Variants in GATA4 observed in about 807,000 individuals in gnomAD.
The protein encoded by GATA4 is GATA binding protein 4.
Under a neutral mutation model 37.9 loss-of-function variants are expected in GATA4, and 7 were observed. The ratio of observed to expected loss-of-function variants is 0.18; its 90% CI spans 0.11 to 0.35. GATA4 has a LOEUF of 0.35. Ranked by LOEUF, GATA4 falls within the 10% of genes least tolerant of loss-of-function variation. The pLI is 1.00. For synonymous variants in GATA4, 372 were observed against 292.6 expected (o/e 1.27, Z -2.77); for missense variants, 647 against 653.0 (o/e 0.99, Z 0.10).
chr8:11,682,846 C>G (rs980058333), intron 1 of GATA4, among the ~76,000 whole-genome samples: 6 of 152,162 alleles, frequency 3.9e-5, no homozygotes, highest in Admixed American at 2.0e-4. Context: ...TAGTCCTTCT[C>G]ACTTCTCAGA....
intron 1 of GATA4, among the ~76,000 whole-genome samples, chr8:11,677,806 G>A (rs533804190): frequency 6.6e-6 from 1 of 152,106 alleles, no homozygotes; most frequent in East Asian, 1.9e-4. Flanking sequence ...TGGGAAGGAG[G>A]CGTGGGGGTG....
At chr8:11,696,919 C>G (rs1799525265) in intron 1 of GATA4, among the ~76,000 whole-genome samples, 1 of 152,202 alleles carries the variant, frequency 6.6e-6, no homozygotes, top group Non-Finnish European at 1.5e-5. Flanking sequence ...GAGTGTGGGC[C>G]CCTGGAACTG....
At chr8:11,681,576 C>A (rs2129930556) in intron 1 of GATA4, 1 of 512,834 alleles carries the variant, frequency 1.9e-6, no homozygotes, top group Non-Finnish European at 2.5e-6. Context: ...TTTCTCCCTC[C>A]TCCACCCCAC....
intron 1 of GATA4, among the ~76,000 whole-genome samples, chr8:11,705,321 C>G (rs1231659426): frequency 6.6e-6 from 1 of 152,202 alleles, no homozygotes. Context: ...TGTGTCTCCT[C>G]CCCTGCTGCG....
chr8:11,720,122 C>T (rs929305066), intron 2 of GATA4, among the ~76,000 whole-genome samples: 4 of 151,678 alleles, frequency 2.6e-5, no homozygotes, highest in African/African-American at 9.7e-5. Flanking sequence ...TCTCTTCCTG[C>T]GGTGTGACTC....
In GATA4 at chr8:11,723,236, A is replaced by C. The variant is rs148945989; in HGVS notation, c.616+14308A>C. 9.5e-4 allele frequency among the ~76,000 whole-genome samples: 144 copies of C among 152,192 alleles called. 1 individual carries two copies. The highest frequency in any genetic ancestry group is 3.3e-3 in the African/African-American group (138 of 41,528). On this transcript the variant is annotated intron_variant, in intron 2 of 6. Coordinates refer to ENST00000532059, the MANE Select transcript of GATA4 (RefSeq NM_001308093.3). Reference sequence around the variant, plus strand: ...GGCAGGGGTGGTGGCATGTGCCTGTAGTCCCAGATACTTGGGAGGCTGAAG... The same window carrying C: ...GGCAGGGGTGGTGGCATGTGCCTGTCGTCCCAGATACTTGGGAGGCTGAAG...
chr8:11,706,389 T>C (rs1799891569), intron 1 of GATA4, among the ~76,000 whole-genome samples: 1 of 152,228 alleles, frequency 6.6e-6, no homozygotes, highest in Non-Finnish European at 1.5e-5. Context: ...TCTGTAGTAA[T>C]AGTCAACTGT....
rs1380586941 is a variant in GATA4 at position 11,759,146 on chromosome 8, C to G, written c.*671C>G. 1 of 159,084 alleles carries G rather than the reference C, an allele frequency of 6.3e-6. No individual in the cohort carries two copies. The highest frequency in any genetic ancestry group is 2.4e-5 in the African/African-American group (1 of 41,488). The allele number at this position is 159,084 out of a possible 1,614,324, so 9.9% of individuals were successfully genotyped here. ...GCCTTTGCTCCTTCACTTCCAACAT[C>G]TCTCAAAATAAAAATCCCTCTTCCC... On this transcript the variant is annotated 3_prime_UTR_variant, in exon 7 of 7. Coordinates refer to ENST00000532059, the MANE Select transcript of GATA4 (RefSeq NM_001308093.3).
Position 11,708,562 on chromosome 8 carries a change from C to A in GATA4, c.250C>A (p.Gln84Lys). The stretch of plus-strand genomic sequence containing the variant: ...GTCTGGTGCGGGGCCCGGGACCCAG[C>A]AGGGCAGCCCGGGATGGAGCCAGGC... ...AASGAGPGTQQGSPGWSQAGA... is the reference protein window; with the variant it reads ...AASGAGPGTQKGSPGWSQAGA... Residue 84 changes from glutamine (Q) to lysine (K), a missense_variant, in exon 2 of 7, where the codon CAG (glutamine) becomes AAG (lysine). By Grantham distance (53) the Gln-to-Lys change is moderately conservative (BLOSUM62 1). Around this residue, in one of 5 missense-constraint regions of GATA4, gnomAD observed 379 missense variants for 334.5 expected, o/e 1.13. Coordinates refer to ENST00000532059, the MANE Select transcript of GATA4 (RefSeq NM_001308093.3). This position sits in a 1 kb window ranked among gnomAD's most constrained non-coding sequence, Gnocchi z 6.7. 2 of 1,383,532 alleles carry A rather than the reference C, an allele frequency of 1.4e-6. No homozygotes were observed. The highest frequency in any genetic ancestry group is 3.4e-5 in the Admixed American group (1 of 29,288). 85.7% of individuals were successfully genotyped at this position (1,383,532 alleles called of 1,614,324 possible). A position where few individuals can be genotyped will look rare whatever the true frequency, so the allele number is the denominator to read the frequency against.
chr8:11,711,197 G>A (rs1285503478), intron 2 of GATA4, among the ~76,000 whole-genome samples: 1 of 152,246 alleles, frequency 6.6e-6, no homozygotes, highest in Non-Finnish European at 1.5e-5. Context: ...TGCTGATGAA[G>A]TGATGTTTCC....
At chr8:11,719,483 G>T (rs770803204) in intron 2 of GATA4, among the ~76,000 whole-genome samples, 1 of 152,066 alleles carries the variant, frequency 6.6e-6, no homozygotes, top group Non-Finnish European at 1.5e-5. Context: ...AGAGAAACAC[G>T]TAGTAATTTT....
chr8:11,755,511 A>T (rs538367041), intron 5 of GATA4, among the ~76,000 whole-genome samples: 1 of 152,340 alleles, frequency 6.6e-6, no homozygotes, highest in South Asian at 2.1e-4. Context: ...ACGGGGATCC[A>T]GGAGGGCAGG....
At position 11,757,035 on chromosome 8, in the gene GATA4, G is replaced by A. The variant is rs771381966; in HGVS notation, c.1101G>A (p.Thr367=). The A allele has an allele frequency of 1.7e-5, 27 of 1,614,098 alleles. No individual in the cohort carries two copies. The highest frequency in any genetic ancestry group is 2.2e-5 in the South Asian group (2 of 91,092). ...GCGAGGAGATGCGTCCCATCAAGAC[G>A]GAGCCTGGCCTGTCATCTCACTACG... ...SSSEEMRPIK[T]EPGLSSHYGH... is the part of the protein sequence containing the mutation. Residue 367 remains threonine (T), a synonymous_variant, in exon 6 of 7, where the codon ACG becomes ACA. Coordinates refer to ENST00000532059, the MANE Select transcript of GATA4 (RefSeq NM_001308093.3).
chr8:11,695,827 T>C lies in GATA4; in HGVS notation c.-729+3167T>C, dbSNP rs535942178. ...CACCGGCGCTCGTATGTTTGTGCCA[T>C]ACATGCTCAAGATAGGCACTGGAGC... On this transcript the variant is annotated intron_variant, in intron 1 of 2. Coordinates refer to the GATA4 transcript ENST00000526974. 7.2e-5 allele frequency among the ~76,000 whole-genome samples: 11 copies of C among 152,308 alleles called. No homozygotes were observed. The South Asian group carries it at 2.1e-3, about 29-fold the overall frequency.
At chr8:11,684,119 G>A (rs1799064546) in intron 1 of GATA4, among the ~76,000 whole-genome samples, 1 of 152,210 alleles carries the variant, frequency 6.6e-6, no homozygotes, top group African/African-American at 2.4e-5. Flanking sequence ...GCCTTGCCCT[G>A]GTGATGGAGA....
At chr8:11,729,725 G>T (rs11250159) in intron 2 of GATA4, among the ~76,000 whole-genome samples, 24,367 of 152,126 alleles carry the variant, frequency 0.16, 3,221 homozygotes, top group East Asian at 0.72. Flanking sequence ...AATTGTGTTC[G>T]CTGAAAAGCA....
intron 1 of GATA4, chr8:11,681,138 G>T (rs1798957814): frequency 4.1e-6 from 4 of 985,182 alleles, no homozygotes; most frequent in Non-Finnish European, 4.8e-6. Flanking sequence ...CCGAGCCCAG[G>T]GAATCTCCAG....
upstream of GATA4, among the ~76,000 whole-genome samples, chr8:11,688,918 A>C (rs1799226357): frequency 6.6e-6 from 1 of 152,254 alleles, no homozygotes; most frequent in Non-Finnish European, 1.5e-5. Context: ...AAAATGAATA[A>C]AATCAACAGA....
rs1429924973 is a variant in GATA4, at chr8:11,708,971, A to C, written c.616+43A>C. On this transcript the variant is annotated intron_variant, in intron 2 of 6. Coordinates refer to ENST00000532059, the MANE Select transcript of GATA4 (RefSeq NM_001308093.3). The surrounding 1 kb of genome is among the most constrained non-coding windows in gnomAD (Gnocchi z 6.7). ...GGCTGGGGCGCGTGAGGGCCGGGGC[A>C]GGGGCCGTCTTGAGCCCTGTCGAGG... The C allele has an allele frequency of 6.6e-7, 1 of 1,505,178 alleles. No homozygotes were observed. The highest frequency in any genetic ancestry group is 1.2e-5 in the South Asian group (1 of 81,214). The allele number at this position is 1,505,178 out of a possible 1,614,324, so 93.2% of individuals were successfully genotyped here. A position where few individuals can be genotyped will look rare whatever the true frequency, so the allele number is the denominator to read the frequency against.
Sources: allele counts gnomAD v4.1 joint callset (sites outside exome capture counted in the v4.1 genomes callset), GRCh38; gene constraint gnomAD v4.1.1; regional missense constraint gnomAD v4.1.1; non-coding constraint Gnocchi (gnomAD v3.1); transcripts MANE v1.5; gene names NCBI Gene and HGNC (gene_info 2026-07-23, HGNC 2026-07-21).